GNG2: variants seen among roughly 807,000 people sequenced by gnomAD.
The protein encoded by GNG2 is G protein subunit gamma 2, also known as guanine nucleotide-binding protein G(I)/G(S)/G(O) subunit gamma-2.
In GNG2, 5 loss-of-function variants were observed where a neutral mutation model predicts 5.5. The ratio of observed to expected loss-of-function variants is 0.91; its 90% CI spans 0.48 to 1.92. The LOEUF (loss-of-function observed/expected upper bound fraction) is 1.92. Ranked by LOEUF, GNG2 falls within the 30% of genes most tolerant of loss-of-function variation. The pLI is 0.01. For missense variants in GNG2, 55 were observed against 88.4 expected, an observed-to-expected ratio of 0.62 and a Z score of 1.52; for synonymous variants, 28 against 32.0, an observed-to-expected ratio of 0.88 and a Z score of 0.42.
intron 2 of GNG2, among the ~76,000 whole-genome samples, chr14:51,898,465 T>A (rs1221672799): frequency 6.6e-6 from 1 of 152,126 alleles, no homozygotes; most frequent in African/African-American, 2.4e-5. Context: ...CTCATCCCTG[T>A]TTAATAAAAA....
At chr14:51,966,514 A>T (rs1158689992) in intron 3 of GNG2, 45 bp from the exon 4 acceptor site, 2 of 1,592,694 alleles carry the variant, frequency 1.3e-6, no homozygotes, top group Non-Finnish European at 1.7e-6. Context: ...GCCTTGACTG[A>T]CTGTACCAGA....
intron 2 of GNG2, among the ~76,000 whole-genome samples, chr14:51,904,289 T>A (rs1177682522): frequency 6.6e-6 from 1 of 152,110 alleles, no homozygotes; most frequent in Non-Finnish European, 1.5e-5. Flanking sequence ...CAGCTTCCAG[T>A]TCAGGGTCTG....
intron 3 of GNG2, among the ~76,000 whole-genome samples, chr14:51,958,610 C>T (rs1400941940): frequency 2.0e-5 from 3 of 152,104 alleles, no homozygotes; most frequent in East Asian, 3.9e-4. Context: ...CTCCCCTTAT[C>T]CTTGTTTGGT....
chr14:51,964,419 A>G (rs2140308018), intron 3 of GNG2, among the ~76,000 whole-genome samples: 1 of 152,352 alleles, frequency 6.6e-6, no homozygotes. Context: ...TGTGTCAATT[A>G]GGGTTGGCTA....
chr14:51,937,715 C>T (rs948422097), intron 2 of GNG2, among the ~76,000 whole-genome samples: 4 of 118,308 alleles, frequency 3.4e-5, no homozygotes, highest in South Asian at 3.4e-4. Flanking sequence ...CATGCTGGTG[C>T]GCTGCACCCA....
intron 2 of GNG2, among the ~76,000 whole-genome samples, chr14:51,894,816 A>G (rs1336167088): frequency 6.6e-6 from 1 of 152,138 alleles, no homozygotes. Flanking sequence ...ATTTCTAAAA[A>G]CTAGAATTTA....
chr14:51,853,806 G>T (rs1882022255), intron 2 of GNG2, among the ~76,000 whole-genome samples: 1 of 151,972 alleles, frequency 6.6e-6, no homozygotes, highest in Admixed American at 6.6e-5. Flanking sequence ...TGGGTGCACA[G>T]TGTTCTCTAA....
rs905964455 is a variant in GNG2 at position 51,889,111 on chromosome 14, T to C, written c.-30+11454T>C. ...CTGCTAATGGGTATGGGTTTGCGCT[T>C]TTTTTTTTTTTTTTTTTTTGAGATG... On this transcript the variant is annotated intron_variant, in intron 2 of 3. Coordinates refer to ENST00000556766, the MANE Select transcript of GNG2 (RefSeq NM_053064.5). Among the ~76,000 whole-genome samples, 237 of 132,268 alleles carry C rather than the reference T, an allele frequency of 1.8e-3. 3 individuals are homozygous for C. Among genetic ancestry groups the C allele is most frequent in the African/African-American group, 4.8e-3 (169 of 35,566 alleles). 86.8% of individuals were successfully genotyped at this position (132,268 alleles called of 152,430 possible).
chr14:51,896,487 G>A (rs1425978547), intron 2 of GNG2, among the ~76,000 whole-genome samples: 1 of 152,170 alleles, frequency 6.6e-6, no homozygotes, highest in Non-Finnish European at 1.5e-5. Context: ...AATTGAGAAT[G>A]AGATAAGATG....
chr14:51,846,379 A>G (rs1017315254), intron 2 of GNG2, among the ~76,000 whole-genome samples: 3 of 152,158 alleles, frequency 2.0e-5, no homozygotes, highest in African/African-American at 4.8e-5. Flanking sequence ...AATTTTTCTT[A>G]TGTGGTTTTA....
At chr14:51,848,467 AC>A (rs1465826090) in intron 2 of GNG2, among the ~76,000 whole-genome samples, 10 of 151,560 alleles carry the variant, frequency 6.6e-5, no homozygotes, top group African/African-American at 2.4e-4. Flanking sequence ...ATCCATGCTG[AC>A]CCCTCCTTGA....
chr14:51,932,271 A>AAG (rs796128916), intron 2 of GNG2, among the ~76,000 whole-genome samples: 2,115 of 96,220 alleles, frequency 0.022, 493 homozygotes, highest in African/African-American at 0.08. Flanking sequence ...AAAAAAAAAA[A>AAG]AGAAAAGAAA....
intron 2 of GNG2, among the ~76,000 whole-genome samples, chr14:51,889,114 T>C: frequency 6.8e-6 from 1 of 147,302 alleles, no homozygotes. Flanking sequence ...TTGCGCTTTT[T>C]TTTTTTTTTT....
At chr14:51,958,983 T>A (rs1355569125) in intron 3 of GNG2, among the ~76,000 whole-genome samples, 1 of 152,200 alleles carries the variant, frequency 6.6e-6, no homozygotes, top group Non-Finnish European at 1.5e-5. Flanking sequence ...AGTTTTCATC[T>A]TATTTGATGT....
intron 2 of GNG2, among the ~76,000 whole-genome samples, chr14:51,931,113 AG>A (rs1211053804): frequency 6.6e-6 from 1 of 152,198 alleles, no homozygotes; most frequent in Non-Finnish European, 1.5e-5. Context: ...CAAAAACAAA[AG>A]AACAGGAAAG....
intron 2 of GNG2, chr14:51,847,031 G>A (rs1881648280): frequency 6.6e-6 from 1 of 152,156 alleles, no homozygotes; most frequent in Non-Finnish European, 1.5e-5. Context: ...AGGGGGGGAG[G>A]GGTGGAAAAA....
intron 2 of GNG2, among the ~76,000 whole-genome samples, chr14:51,829,725 C>T (rs932040023): frequency 6.6e-6 from 1 of 152,134 alleles, no homozygotes; most frequent in Non-Finnish European, 1.5e-5. Context: ...ATTTCACCTC[C>T]ACCACTCCAA....
chr14:51,852,056 A>AT (rs1342875882), intron 2 of GNG2, among the ~76,000 whole-genome samples: 8 of 152,240 alleles, frequency 5.3e-5, no homozygotes, highest in African/African-American at 1.9e-4. Context: ...GTACGTAAAT[A>AT]TTTTAACGGT....
intron 2 of GNG2, among the ~76,000 whole-genome samples, chr14:51,838,902 G>C (rs1254051902): frequency 6.6e-6 from 1 of 151,966 alleles, no homozygotes; most frequent in Non-Finnish European, 1.5e-5. Context: ...GTGAGACCCT[G>C]TCTCAAAAAA....
Sources: gnomAD v4.1 joint callset for allele counts (sites outside exome capture counted in the v4.1 genomes callset) on GRCh38, gnomAD v4.1.1 for gene constraint, MANE v1.5 for transcripts, NCBI Gene and HGNC (gene_info 2026-07-23, HGNC 2026-07-21) for gene names.